The following INSRR variants were observed in gnomAD, a reference collection of about 807,000 sequenced individuals.
INSRR encodes insulin receptor related receptor.
A neutral mutation model predicts 130.0 loss-of-function variants in INSRR; 114 were observed. That is an observed-to-expected ratio of 0.88 (90% CI 0.75 to 1.02). INSRR has a LOEUF of 1.02. Among genes scored for constraint, INSRR ranks in the 50% least tolerant of loss-of-function variants. The pLI, the probability that INSRR is intolerant of heterozygous loss-of-function variation, is 0.00. For synonymous variants in INSRR, 674 were observed against 705.2 expected (o/e 0.96, Z 0.70); for missense variants, 1,657 against 1,735.2 (o/e 0.95, Z 0.80).
intron 5 of INSRR, among the ~76,000 whole-genome samples, chr1:156,850,531 ATTCTTTTTTT>A (rs1161622589): frequency 0.032 from 3,121 of 96,856 alleles, 198 homozygotes; most frequent in African/African-American, 0.12. Flanking sequence ...AATTTAAAAC[ATTCTTTTTTT>A]TTTTTTTTTT....
At chr1:156,848,835 G>A in intron 7 of INSRR, 86 bp downstream of exon 7, 1 of 1,471,218 alleles carries the variant, frequency 6.8e-7, no homozygotes, top group Non-Finnish European at 9.1e-7. Flanking sequence ...TAGCCTCGCT[G>A]AGCTCCGCCC....
At position 156,854,431 on chromosome 1, in the gene INSRR, G is replaced by C. The variant is rs1655341068; in HGVS notation, c.86-128C>G. The C allele has an allele frequency of 2.9e-6, 3 of 1,020,956 alleles. No individual in the cohort carries two copies. Among genetic ancestry groups the C allele is most frequent in the African/African-American group, 3.2e-5 (2 of 61,850 alleles). 63.2% of individuals were successfully genotyped at this position (1,020,956 alleles called of 1,614,324 possible). ...AGTGAGGAGCCGGGCTCTGCTCTGG[G>C]TGTGGGGTGGCCTCCTTCCTGGGCC... On this transcript the variant is annotated intron_variant, in intron 1 of 21. Transcript: ENST00000368195. This position sits in a 1 kb window ranked among gnomAD's most constrained non-coding sequence, Gnocchi z 4.2.
At position 156,846,068 on chromosome 1, in the gene INSRR, A is replaced by C. The variant is rs1233234233; in HGVS notation, c.1862T>G (p.Leu621Arg). The C allele has an allele frequency of 3.1e-6, 5 of 1,611,746 alleles. No individual in the cohort carries two copies. In the South Asian group the frequency reaches 5.5e-5, roughly 18 times the overall value. The change falls in exon 9 of 22, where the codon CTC (leucine) becomes CGC (arginine). Residue 621 changes from leucine to arginine, a missense_variant. Coordinates refer to ENST00000368195, the MANE Select transcript of INSRR (RefSeq NM_014215.3). ...VISTSNSSSH[L>R]LVRWKPPTQR... ...GGTCGGTGGCTTCCAGCGCACCAGGAGGTGGGAGGAGGAGTTGGACGTGGA... is the reference window on the plus strand; with the variant it reads ...GGTCGGTGGCTTCCAGCGCACCAGGCGGTGGGAGGAGGAGTTGGACGTGGA...
Position 156,845,845 on chromosome 1 carries a change from A to G in INSRR, c.1979-31T>C, listed in dbSNP as rs755577383. ...GCCGCAGCGGGAAGACACTAGTAAG[A>G]CAGGCGGTCTACCCGCCTCTGATCC... On this transcript the variant is annotated intron_variant, in intron 9 of 21. Coordinates refer to ENST00000368195, the MANE Select transcript of INSRR (RefSeq NM_014215.3). 11 of 1,598,472 alleles carry G rather than the reference A, an allele frequency of 6.9e-6. No individual in the cohort carries two copies. The African/African-American group carries it at 1.5e-4, about 21-fold the overall frequency.
chr1:156,853,403 G>A (rs1655296150), intron 2 of INSRR, among the ~76,000 whole-genome samples: 2 of 152,212 alleles, frequency 1.3e-5, no homozygotes, highest in Admixed American at 1.3e-4. Flanking sequence ...AAGTGGTAGA[G>A]CTGAGACTTG....
Position 156,853,815 on chromosome 1 carries a change from C to T in INSRR, c.574G>A (p.Ala192Thr). ...GVLGAAGEPCAKTTFSGHTDY... is the reference protein window; with the variant it reads ...GVLGAAGEPCTKTTFSGHTDY... Reference sequence around the variant, plus strand: ...GTGTGCCCGCTGAAGGTGGTCTTGGCACAGGGCTCACCAGCAGCACCCAGC... The same window carrying T: ...GTGTGCCCGCTGAAGGTGGTCTTGGTACAGGGCTCACCAGCAGCACCCAGC... The change falls in exon 2 of 22, where the codon GCC becomes ACC. Residue 192 changes from alanine (A) to threonine (T), a missense_variant. By Grantham distance (58) the Ala-to-Thr change is moderately conservative. Transcript: ENST00000368195. 1.2e-6 allele frequency: 2 copies of T among 1,613,356 alleles called. No individual in the cohort carries two copies. The highest frequency in any genetic ancestry group is 1.7e-6 in the Non-Finnish European group (2 of 1,179,570).
In INSRR at chr1:156,846,729, C is replaced by T; in HGVS notation, c.1600G>A (p.Gly534Ser). 1.9e-6 allele frequency: 3 copies of T among 1,614,096 alleles called. No homozygotes were observed. Among genetic ancestry groups the T allele is most frequent in the Non-Finnish European group, 2.5e-6 (3 of 1,180,032 alleles). ...CTCTGGGTTCCACAAGCATCTGGAC[C>T]CACGTGCTCTGTGGCGTTCTGGAAT... ...SPFQNATEHV[G>S]PDACGTQSWN... is the part of the protein sequence containing the mutation. Residue 534 changes from glycine to serine, a missense_variant, in exon 8 of 22, where the codon GGT becomes AGT. Transcript: ENST00000368195.
intron 11 of INSRR, 32 bp downstream of exon 11, chr1:156,845,340 C>G: frequency 6.2e-7 from 1 of 1,607,228 alleles, no homozygotes; most frequent in Non-Finnish European, 8.5e-7. Flanking sequence ...CCCAAAGCCA[C>G]GCCCCTCAGC....
chr1:156,850,616 A>G lies in INSRR; in HGVS notation c.1229+674T>C, dbSNP rs113885019. Among the ~76,000 whole-genome samples, 1,015 of 127,662 alleles carry G rather than the reference A, an allele frequency of 8.0e-3. 19 individuals carry two copies. Among genetic ancestry groups the G allele is most frequent in the African/African-American group, 0.029 (966 of 33,834 alleles). The allele number at this position is 127,662 out of a possible 152,430, so 83.8% of individuals were successfully genotyped here. A position where few individuals can be genotyped will look rare whatever the true frequency, so the allele number is the denominator to read the frequency against. On this transcript the variant is annotated intron_variant, in intron 5 of 21. Transcript: ENST00000368195. ...AGGCCCTAGGCTGGAGTGCAGTGGC[A>G]CGATTTCGGCTCACTGTAATCTCTA...
chr1:156,858,097 C>A (rs1260075947), intron 1 of INSRR, among the ~76,000 whole-genome samples: 2 of 152,202 alleles, frequency 1.3e-5, no homozygotes, highest in African/African-American at 4.8e-5. Context: ...CCCAGTCTAG[C>A]TTTACCCTTA....
chr1:156,845,134 C>T lies in INSRR; in HGVS notation c.2379G>A (p.Ala793=), dbSNP rs1431433206. The T allele has an allele frequency of 1.9e-6, 3 of 1,611,704 alleles. No homozygotes were observed. Among genetic ancestry groups the T allele is most frequent in the Non-Finnish European group, 2.5e-6 (3 of 1,179,384 alleles). ...CGGCGCTGCAGCCCACGGTGTGCGC[C>T]GCGTGGTTGCAGGCATGGATGTCGA... The part of the protein sequence containing the change: ...YRIDIHACNH[A]AHTVGCSAAT... The change falls in exon 12 of 22, where the codon GCG becomes GCA. Residue 793 remains alanine, a synonymous_variant. Transcript: ENST00000368195.
chr1:156,849,123 C>A (rs1655113726), intron 6 of INSRR, 76 bp from the exon 7 acceptor site: 2 of 1,597,778 alleles, frequency 1.3e-6, no homozygotes, highest in Non-Finnish European at 8.5e-7. Flanking sequence ...CGCGGCATCC[C>A]ATTCCCAGTG....
intron 9 of INSRR, 34 bp downstream of exon 9, chr1:156,845,918 C>T (rs1252062841): frequency 1.2e-6 from 2 of 1,603,716 alleles, no homozygotes; most frequent in South Asian, 1.1e-5. Flanking sequence ...TCCCCACCCG[C>T]CCCGCGGCCG....
At position 156,840,943 on chromosome 1, in the gene INSRR, G is replaced by T. The variant is rs1169039229; in HGVS notation, c.3824C>A (p.Thr1275Asn). 1 of 1,614,096 alleles carries T rather than the reference G, an allele frequency of 6.2e-7. No individual in the cohort carries two copies. The highest frequency in any genetic ancestry group is 1.7e-5 in the Admixed American group (1 of 60,024). ...CRGARGSLPT[T>N]DAEPDSSPTP... The stretch of plus-strand genomic sequence containing the variant: ...GGGTGAGGAGTCAGGCTCTGCATCG[G>T]TGGTAGGCAGGGAGCCCCGGGCCCC... Residue 1275 changes from threonine (T) to asparagine (N), a missense_variant, in exon 22 of 22, where the codon ACC becomes AAC. Physicochemically the swap from Thr to Asn is moderately conservative, Grantham distance 65 (BLOSUM62 0). Coordinates refer to ENST00000368195, the MANE Select transcript of INSRR (RefSeq NM_014215.3).
rs771871068 is a variant in INSRR, at chr1:156,840,866, G to A, written c.*7C>T. On this transcript the variant is annotated 3_prime_UTR_variant, in exon 22 of 22. Coordinates refer to ENST00000368195, the MANE Select transcript of INSRR (RefSeq NM_014215.3). ...CATGGGAGGCCAGCCAGGGAATGAG[G>A]TGCCCCTCAGTGCCCTGGACCCCCA... 1 of 1,604,764 alleles carries A rather than the reference G, an allele frequency of 6.2e-7. No homozygotes were observed.
chr1:156,848,887 C>T (rs1271480125), intron 7 of INSRR, 34 bp downstream of exon 7: 1 of 1,546,562 alleles, frequency 6.5e-7, no homozygotes, highest in East Asian at 2.4e-5. Context: ...TCGTCCGGTC[C>T]CGCCCCCGCT....
At position 156,844,675 on chromosome 1, in the gene INSRR, G is replaced by A. The variant is rs771901290; in HGVS notation, c.2574+32C>T. On this transcript the variant is annotated intron_variant, in intron 13 of 21. Coordinates refer to ENST00000368195, the MANE Select transcript of INSRR (RefSeq NM_014215.3). ...TGGGAAGGCGATGTAGGCACAAAACGGGGCTGGGACGGGGGTCCCACGGGC... is the reference window on the plus strand; with the variant it reads ...TGGGAAGGCGATGTAGGCACAAAACAGGGCTGGGACGGGGGTCCCACGGGC... 10 of 1,613,984 alleles carry A rather than the reference G, an allele frequency of 6.2e-6. No homozygotes were observed. In the South Asian group the frequency reaches 6.6e-5, roughly 11 times the overall value.
At position 156,844,245 on chromosome 1, in the gene INSRR, TGAG is replaced by T. The variant is rs1654904867; in HGVS notation, c.2770_2772del (p.Leu924del). ...AGCGTGAGCCCCACAGGGGTGGCAG[TGAG>T]GAGGACATGCAGCCCCCCAGCATCC... On this transcript the variant is annotated inframe_deletion, in exon 15 of 22. Transcript: ENST00000368195. The T allele has an allele frequency of 1.9e-6, 3 of 1,613,464 alleles. No homozygotes were observed. The South Asian group carries it at 3.3e-5, about 18-fold the overall frequency.
At position 156,840,733 on chromosome 1, in the gene INSRR, C is replaced by T. The variant is rs778758617; in HGVS notation, c.*140G>A. 15 of 685,776 alleles carry T rather than the reference C, an allele frequency of 2.2e-5. No homozygotes were observed. The highest frequency in any genetic ancestry group is 5.4e-5 in the African/African-American group (3 of 55,890). 42.5% of individuals were successfully genotyped at this position (685,776 alleles called of 1,614,324 possible). ...CCCTCTGCCCACCCCCACAGCCTTC[C>T]CTGCTCCTGTTCTCTGCCCCACCCT... On this transcript the variant is annotated 3_prime_UTR_variant, in exon 22 of 22. Transcript: ENST00000368195.
Sources: allele counts gnomAD v4.1 joint callset (sites outside exome capture counted in the v4.1 genomes callset), GRCh38; gene constraint gnomAD v4.1.1; non-coding constraint Gnocchi (gnomAD v3.1); transcripts MANE v1.5; gene names NCBI Gene and HGNC (gene_info 2026-07-23, HGNC 2026-07-21).